The following GRM7 variants were observed in gnomAD, a reference collection of about 807,000 sequenced individuals.
GRM7 encodes glutamate metabotropic receptor 7.
A neutral mutation model predicts 84.5 loss-of-function variants in GRM7; 35 were observed. The observed-to-expected ratio is 0.41, with a 90% CI of 0.32 to 0.55. The LOEUF (loss-of-function observed/expected upper bound fraction) is 0.55. GRM7 is among the 20% of genes least tolerant of loss of function. The pLI is 0.19. For synonymous variants in GRM7, 487 were observed against 455.1 expected (o/e 1.07, Z -0.89); for missense variants, 1,003 against 1,194.6 (o/e 0.84, Z 2.36).
At chr3:7,136,075 C>G (rs1021670808) in intron 1 of GRM7, among the ~76,000 whole-genome samples, 4 of 152,020 alleles carry the variant, frequency 2.6e-5, no homozygotes, top group African/African-American at 9.7e-5. Flanking sequence ...TTGACTCAAT[C>G]TTGTCAACAT....
chr3:6,906,938 G>A (rs557855446), intron 1 of GRM7, among the ~76,000 whole-genome samples: 10 of 152,134 alleles, frequency 6.6e-5, no homozygotes, highest in South Asian at 2.1e-4. Flanking sequence ...GGACATATGC[G>A]AACACCCATT....
intron 7 of GRM7, among the ~76,000 whole-genome samples, chr3:7,502,571 CGTG>C (rs1332695205): frequency 6.6e-6 from 1 of 151,848 alleles, no homozygotes; most frequent in Non-Finnish European, 1.5e-5. Flanking sequence ...TGTTAATTCT[CGTG>C]TGTGTGTGTA....
chr3:7,578,644 C>G lies in GRM7; in HGVS notation c.1738C>G (p.Pro580Ala). ...AAATCGAACCGGATGCCAGGATATTCCCATCATCAAACTGGAGTGGCACTC... is the reference window on the plus strand; with the variant it reads ...AAATCGAACCGGATGCCAGGATATTGCCATCATCAAACTGGAGTGGCACTC... The part of the protein sequence containing the change: ...NENRTGCQDI[P>A]IIKLEWHSPW... The change falls in exon 8 of 10, where the codon CCC becomes GCC. Residue 580 changes from proline to alanine, a missense_variant. Physicochemically the swap from Pro to Ala is conservative, Grantham distance 27 (BLOSUM62 -1). Coordinates refer to ENST00000357716, the MANE Select transcript of GRM7 (RefSeq NM_000844.4). 3 of 1,613,804 alleles carry G rather than the reference C, an allele frequency of 1.9e-6. No individual in the cohort carries two copies. The highest frequency in any genetic ancestry group is 2.5e-6 in the Non-Finnish European group (3 of 1,179,758).
At chr3:7,043,268 GTT>G (rs1411060551) in intron 1 of GRM7, among the ~76,000 whole-genome samples, 2 of 152,182 alleles carry the variant, frequency 1.3e-5, no homozygotes, top group Non-Finnish European at 2.9e-5. Context: ...AATCTTCAGA[GTT>G]CTCTCTTGGA....
intron 4 of GRM7, among the ~76,000 whole-genome samples, chr3:7,381,608 G>A (rs1462193881): frequency 6.6e-6 from 1 of 152,154 alleles, no homozygotes; most frequent in Non-Finnish European, 1.5e-5. Context: ...CCGTATTGAA[G>A]TATGGGATTA....
chr3:7,499,932 G>A (rs761282148), intron 7 of GRM7, among the ~76,000 whole-genome samples: 52 of 152,008 alleles, frequency 3.4e-4, no homozygotes, highest in Non-Finnish European at 6.9e-4. Context: ...CCGTCACCAC[G>A]CCCGGCTAAT....
chr3:6,861,956 C>G lies in GRM7; in HGVS notation c.519+49C>G, dbSNP rs899542912. On this transcript the variant is annotated intron_variant, in intron 1 of 9. Transcript: ENST00000357716. The surrounding 1 kb of genome is among the most constrained non-coding windows in gnomAD (Gnocchi z 6.4). The stretch of plus-strand genomic sequence containing the variant: ...CGGAGCACACAGTGGCTACCTGCGC[C>G]CTTAACCCTAAAAGCTGGCTTGGAC... The G allele has an allele frequency of 1.9e-5, 29 of 1,501,292 alleles. No individual in the cohort carries two copies. Among genetic ancestry groups the G allele is most frequent in the Non-Finnish European group, 2.5e-5 (27 of 1,100,512 alleles). 93.0% of individuals were successfully genotyped at this position (1,501,292 alleles called of 1,614,324 possible).
intron 6 of GRM7, among the ~76,000 whole-genome samples, chr3:7,459,231 G>T (rs1321505319): frequency 2.0e-5 from 3 of 152,156 alleles, no homozygotes; most frequent in East Asian, 1.9e-4. Context: ...GCTCACAGGA[G>T]ATCGGTGTCC....
chr3:7,077,562 G>A (rs1383038240), intron 1 of GRM7, among the ~76,000 whole-genome samples: 1 of 148,558 alleles, frequency 6.7e-6, no homozygotes, highest in East Asian at 2.0e-4. Flanking sequence ...TCACACACTG[G>A]GGCCTGTCGG....
At chr3:7,287,918 T>G (rs895531401) in intron 2 of GRM7, among the ~76,000 whole-genome samples, 2 of 152,134 alleles carry the variant, frequency 1.3e-5, no homozygotes, top group Non-Finnish European at 2.9e-5. Flanking sequence ...AATTTATCAT[T>G]TAGCATGCAG....
In GRM7 at chr3:7,007,337, T is replaced by A. The variant is rs1212299361; in HGVS notation, c.520-139115T>A. On this transcript the variant is annotated intron_variant, in intron 1 of 9. Coordinates refer to ENST00000357716, the MANE Select transcript of GRM7 (RefSeq NM_000844.4). ...CGGTTTCTATAAAAGAGTGGAAGCA[T>A]CAATAAGAATGTGTGTTATTCATAT... Among the ~76,000 whole-genome samples, 2 of 152,196 alleles carry A rather than the reference T, an allele frequency of 1.3e-5. 1 individual carries two copies. The highest frequency in any genetic ancestry group is 4.8e-5 in the African/African-American group (2 of 41,452).
intron 7 of GRM7, among the ~76,000 whole-genome samples, chr3:7,490,357 C>G (rs541648344): frequency 6.6e-6 from 1 of 152,200 alleles, no homozygotes; most frequent in Admixed American, 6.6e-5. Flanking sequence ...AATATATGAA[C>G]TGAAGAGGCA....
intron 4 of GRM7, among the ~76,000 whole-genome samples, chr3:7,346,659 ATTC>A (rs1692907693): frequency 7.6e-6 from 1 of 131,548 alleles, no homozygotes; most frequent in African/African-American, 2.8e-5. Context: ...TATTTTCTTT[ATTC>A]TTCCTATTGT....
intron 1 of GRM7, among the ~76,000 whole-genome samples, chr3:6,997,842 C>T (rs1694875695): frequency 6.6e-6 from 1 of 151,860 alleles, no homozygotes; most frequent in Admixed American, 6.6e-5. Context: ...AAACCAAAAG[C>T]AAGTTAGGGC....
At chr3:7,078,791 G>C (rs1210585286) in intron 1 of GRM7, among the ~76,000 whole-genome samples, 3 of 151,828 alleles carry the variant, frequency 2.0e-5, no homozygotes, top group Non-Finnish European at 4.4e-5. Flanking sequence ...AAGTCAAGTG[G>C]GGAGGAAATG....
At chr3:6,899,067 A>G (rs1696294909) in intron 1 of GRM7, among the ~76,000 whole-genome samples, 1 of 152,202 alleles carries the variant, frequency 6.6e-6, no homozygotes, top group African/African-American at 2.4e-5. Flanking sequence ...GTGAGGATCT[A>G]ATAAGAAATA....
intron 7 of GRM7, among the ~76,000 whole-genome samples, chr3:7,473,601 G>A (rs1355100411): frequency 6.6e-6 from 1 of 151,702 alleles, no homozygotes; most frequent in Non-Finnish European, 1.5e-5. Context: ...TTAAGATTTG[G>A]GGGTTTAAAT....
intron 1 of GRM7, among the ~76,000 whole-genome samples, chr3:7,048,107 T>G (rs960406514): frequency 6.6e-6 from 1 of 151,996 alleles, no homozygotes; most frequent in African/African-American, 2.4e-5. Flanking sequence ...AATATTACAG[T>G]TCTCTATAAA....
intron 1 of GRM7, among the ~76,000 whole-genome samples, chr3:6,893,462 G>A (rs956622171): frequency 9.9e-5 from 15 of 152,094 alleles, no homozygotes; most frequent in African/African-American, 3.1e-4. Flanking sequence ...CTAACTCATC[G>A]TTTATTTGAC....
Sources: allele counts gnomAD v4.1 joint callset (sites outside exome capture counted in the v4.1 genomes callset), GRCh38; gene constraint gnomAD v4.1.1; non-coding constraint Gnocchi (gnomAD v3.1); transcripts MANE v1.5; gene names NCBI Gene and HGNC (gene_info 2026-07-23, HGNC 2026-07-21).